Variants in KIAA2012 observed in about 807,000 individuals in gnomAD.
The protein encoded by KIAA2012 is KIAA2012, also known as uncharacterized protein KIAA2012.
A neutral mutation model predicts 150.6 loss-of-function variants in KIAA2012; 125 were observed. The ratio of observed to expected loss-of-function variants is 0.83; its 90% CI spans 0.72 to 0.96. The LOEUF is 0.96. KIAA2012 is among the 40% of genes least tolerant of loss of function. The probability of loss-of-function intolerance (pLI) is 0.00; values close to 1 mark genes in which losing one functional copy is unlikely to be tolerated. For missense variants in KIAA2012, 1,219 were observed against 1,354.9 expected, an observed-to-expected ratio of 0.90 and a Z score of 1.57; for synonymous variants, 462 against 504.7, an observed-to-expected ratio of 0.92 and a Z score of 1.13.
chr2:202,132,747 A>ATAT (rs373235755), intron 12 of KIAA2012, among the ~76,000 whole-genome samples: 5 of 104,370 alleles, frequency 4.8e-5, no homozygotes, highest in Admixed American at 3.8e-4. Context: ...GTATATATAT[A>ATAT]GTATATATGT....
At chr2:202,169,614 C>T (rs181965981) in intron 15 of KIAA2012, among the ~76,000 whole-genome samples, 1 of 152,288 alleles carries the variant, frequency 6.6e-6, no homozygotes, top group East Asian at 1.9e-4. Flanking sequence ...CATCATAGTG[C>T]AGTCTAGACC....
At chr2:202,100,189 G>A in intron 6 of KIAA2012, 118 bp from the exon 7 acceptor site, 1 of 1,115,978 alleles carries the variant, frequency 9.0e-7, no homozygotes, top group Non-Finnish European at 1.3e-6. Flanking sequence ...CTGTCCCAGT[G>A]CCCCAGCACA....
At chr2:202,109,453 A>G (rs1158034104) in intron 9 of KIAA2012, among the ~76,000 whole-genome samples, 160 bp from the exon 10 acceptor site, 1 of 152,104 alleles carries the variant, frequency 6.6e-6, no homozygotes, top group African/African-American at 2.4e-5. Flanking sequence ...AAACCATCCT[A>G]ACACCAGGAC....
At chr2:202,099,468 C>T (rs2105920668) in intron 5 of KIAA2012, 145 bp from the exon 6 acceptor site, 1 of 568,990 alleles carries the variant, frequency 1.8e-6, no homozygotes, top group Non-Finnish European at 3.0e-6. Flanking sequence ...AAAGAGCTTG[C>T]TGTTATAACC....
intron 10 of KIAA2012, 133 bp from the exon 11 acceptor site, chr2:202,113,203 C>G (rs1690422029): frequency 1.6e-6 from 1 of 637,122 alleles, no homozygotes; most frequent in Non-Finnish European, 2.8e-6. Context: ...ACCCTATACT[C>G]TGGTGGGCAC....
chr2:202,188,471 C>T (rs144992639), intron 18 of KIAA2012, among the ~76,000 whole-genome samples: 4 of 152,098 alleles, frequency 2.6e-5, no homozygotes, highest in Non-Finnish European at 5.9e-5. Context: ...GCCTAGAGGC[C>T]TGTGATCACC....
chr2:202,188,243 AC>A lies in KIAA2012; in HGVS notation c.2469del (p.Tyr823Ter). ...AAAAGCGAGAGAGAAGGAAAGGTCT[AC>A]GGGCAAGCAGAGGCTGCCATTGGTA... ...GPKSEREGKV[Y>X]GQAEAAIGKS... On this transcript the variant is annotated frameshift_variant, in exon 18 of 24. Coordinates refer to ENST00000498697, the MANE Select transcript of KIAA2012 (RefSeq NM_001277372.4). LOFTEE classifies it high-confidence loss of function. 6.5e-7 allele frequency: 1 copy of A among 1,550,294 alleles called. No homozygotes were observed. Among genetic ancestry groups the A allele is most frequent in the Non-Finnish European group, 8.7e-7 (1 of 1,146,856 alleles).
chr2:202,160,450 A>G (rs964693510), intron 14 of KIAA2012, among the ~76,000 whole-genome samples: 1 of 151,484 alleles, frequency 6.6e-6, no homozygotes, highest in African/African-American at 2.4e-5. Flanking sequence ...AGTAGCTGGG[A>G]CTACAGGCGC....
chr2:202,201,916 T>G, intron 22 of KIAA2012: 1 of 865,676 alleles, frequency 1.2e-6, no homozygotes, highest in Non-Finnish European at 1.9e-6. Context: ...CGTCTCGGCA[T>G]CAGGGACGGT....
chr2:202,087,908 T>G (rs1689610861), intron 2 of KIAA2012, among the ~76,000 whole-genome samples: 1 of 151,066 alleles, frequency 6.6e-6, no homozygotes, highest in African/African-American at 2.4e-5. Flanking sequence ...CAACGGAGTC[T>G]GGGAAAGCAA....
intron 9 of KIAA2012, among the ~76,000 whole-genome samples, chr2:202,107,910 G>A (rs1690242685): frequency 6.6e-6 from 1 of 152,170 alleles, no homozygotes; most frequent in Non-Finnish European, 1.5e-5. Context: ...TCTGGAGGCT[G>A]AGGCACAAGA....
rs1559234658 is a variant in KIAA2012, at chr2:202,194,205, A to T, written c.3030A>T (p.Arg1010Ser). Residue 1010 changes from arginine to serine, a missense_variant, in exon 21 of 24, where the codon AGA (arginine) becomes AGT (serine). By Grantham distance (110) the Arg-to-Ser change is moderately radical. Transcript: ENST00000498697. ...GTTTTCTCAGCTTGAGGAAACAGAG[A>T]CTCCAAGAAGAACAGCAGCGGCAGG... ...RTEEIRLRKQ[R>S]LQEEQQRQEE... 2 of 1,550,456 alleles carry T rather than the reference A, an allele frequency of 1.3e-6. No homozygotes were observed. The highest frequency in any genetic ancestry group is 4.9e-5 in the East Asian group (2 of 40,900).
chr2:202,185,661 CTT>C (rs1442523955), intron 16 of KIAA2012, among the ~76,000 whole-genome samples: 1 of 151,932 alleles, frequency 6.6e-6, no homozygotes, highest in Non-Finnish European at 1.5e-5. Context: ...AAAACACAAA[CTT>C]TTCACAAAAG....
intron 2 of KIAA2012, among the ~76,000 whole-genome samples, chr2:202,081,921 G>T (rs1482762188): frequency 6.6e-6 from 1 of 152,118 alleles, no homozygotes; most frequent in Non-Finnish European, 1.5e-5. Flanking sequence ...TCACATGCAT[G>T]TGTGAATGTG....
chr2:202,108,806 A>G (rs1690268902), intron 9 of KIAA2012, among the ~76,000 whole-genome samples: 1 of 152,222 alleles, frequency 6.6e-6, no homozygotes, highest in Non-Finnish European at 1.5e-5. Context: ...CCTCTTTTTA[A>G]TGAATAAGTA....
chr2:202,079,702 C>G (rs547134032), intron 2 of KIAA2012, among the ~76,000 whole-genome samples: 1 of 152,164 alleles, frequency 6.6e-6, no homozygotes, highest in Non-Finnish European at 1.5e-5. Context: ...AAATATGTCG[C>G]TTGGTTGGTT....
chr2:202,133,131 T>TATATA (rs1491511228), intron 12 of KIAA2012, among the ~76,000 whole-genome samples: 12 of 83,652 alleles, frequency 1.4e-4, no homozygotes, highest in African/African-American at 2.9e-4. Context: ...TATATATATA[T>TATATA]TTTTTTTTTT....
At chr2:202,090,426 G>A (rs1190507973) in intron 2 of KIAA2012, among the ~76,000 whole-genome samples, 6 of 152,236 alleles carry the variant, frequency 3.9e-5, no homozygotes, top group Admixed American at 1.3e-4. Flanking sequence ...TCCCATTACA[G>A]TACAGAGCCA....
chr2:202,076,694 G>T (rs1359907092), intron 2 of KIAA2012, among the ~76,000 whole-genome samples: 1 of 152,158 alleles, frequency 6.6e-6, no homozygotes, highest in Non-Finnish European at 1.5e-5. Flanking sequence ...GCTACTAAAT[G>T]ACAAGGCCAG....
Sources: gnomAD v4.1 joint callset for allele counts (sites outside exome capture counted in the v4.1 genomes callset) on GRCh38, gnomAD v4.1.1 for gene constraint, MANE v1.5 for transcripts, NCBI Gene and HGNC (gene_info 2026-07-23, HGNC 2026-07-21) for gene names.